VPS13C: variants seen among roughly 807,000 people sequenced by gnomAD.
The protein encoded by VPS13C is vacuolar protein sorting 13 homolog C, also known as intermembrane lipid transfer protein VPS13C.
A neutral mutation model predicts 456.8 loss-of-function variants in VPS13C; 358 were observed. That is an observed-to-expected ratio of 0.78 (90% CI 0.72 to 0.86). The LOEUF (loss-of-function observed/expected upper bound fraction) is 0.86, where lower values mean the gene tolerates loss of function less well. Ranked by LOEUF, VPS13C falls within the 40% of genes least tolerant of loss-of-function variation. VPS13C has a pLI of 0.00. For missense variants in VPS13C, 4,818 were observed against 4,385.4 expected, an observed-to-expected ratio of 1.10 and a Z score of -2.79; for synonymous variants, 1,578 against 1,486.7, an observed-to-expected ratio of 1.06 and a Z score of -1.41.
At chr15:62,004,156 C>T (rs1312256345) in intron 15 of VPS13C, among the ~76,000 whole-genome samples, 9 of 151,522 alleles carry the variant, frequency 5.9e-5, no homozygotes, top group African/African-American at 1.9e-4. Flanking sequence ...GTCCTGGACT[C>T]TTTTTGGTTG....
Position 61,910,312 on chromosome 15 carries a change from A to T in VPS13C, c.8716-7T>A, listed in dbSNP as rs760114350. The T allele has an allele frequency of 1.3e-6, 2 of 1,509,012 alleles. No individual in the cohort carries two copies. The highest frequency in any genetic ancestry group is 2.7e-5 in the South Asian group (2 of 75,086). 93.5% of individuals were successfully genotyped at this position (1,509,012 alleles called of 1,614,324 possible). A position where few individuals can be genotyped will look rare whatever the true frequency, so the allele number is the denominator to read the frequency against. ...CTGGCCAAAATGGAAGGCACTAAAA[A>T]TATAGAAGTTATTATCAGTCTTAAG... On this transcript the variant is annotated splice_polypyrimidine_tract_variant and splice_region_variant and intron_variant, in intron 63 of 84. Transcript: ENST00000644861.
rs139281373 is a variant in VPS13C, at chr15:61,992,080, T to C, written c.1354-278A>G. ...TCAGGTAAAATACTTCTAAGCAATGTGACTTCCAAATTCTTCCAAATTTTT... is the reference window on the plus strand; with the variant it reads ...TCAGGTAAAATACTTCTAAGCAATGCGACTTCCAAATTCTTCCAAATTTTT... On this transcript the variant is annotated intron_variant, in intron 16 of 84. Coordinates refer to ENST00000644861, the MANE Select transcript of VPS13C (RefSeq NM_020821.3). Among the ~76,000 whole-genome samples the C allele has an allele frequency of 5.9e-3, 898 of 152,290 alleles. 7 individuals are homozygous for C. Among genetic ancestry groups the C allele is most frequent in the African/African-American group, 0.021 (853 of 41,562 alleles).
intron 67 of VPS13C, 69 bp from the exon 68 acceptor site, chr15:61,884,338 CAGA>C (rs1240958888): frequency 6.8e-7 from 1 of 1,470,192 alleles, no homozygotes; most frequent in African/African-American, 1.4e-5. Flanking sequence ...TATTCAACTC[CAGA>C]TTATTGTAAC....
At chr15:62,040,709 T>C (rs2140707373) in intron 3 of VPS13C, among the ~76,000 whole-genome samples, 1 of 151,942 alleles carries the variant, frequency 6.6e-6, no homozygotes, top group South Asian at 2.1e-4. Flanking sequence ...ATCCAAAATT[T>C]AAAAATGTAT....
chr15:61,982,479 A>G lies in VPS13C; in HGVS notation c.2009T>C (p.Ile670Thr). ...TTCACCTGTAGCTGTTCTCTCCTTA[A>G]TTTCTTCCAGCTTCATCAATGTTGC... is the stretch of plus-strand genomic sequence containing the variant. ...TSATLMKLEE[I>T]KERTATGLTH... Residue 670 changes from isoleucine (I) to threonine (T), a missense_variant, in exon 21 of 85, where the codon ATT (isoleucine) becomes ACT (threonine). Physicochemically the swap from Ile to Thr is moderately conservative, Grantham distance 89. This residue lies in a region of VPS13C where 4,552 missense variants were observed against 4,130.6 expected (regional missense o/e 1.10). Coordinates refer to ENST00000644861, the MANE Select transcript of VPS13C (RefSeq NM_020821.3). 1.2e-6 allele frequency: 2 copies of G among 1,608,022 alleles called. No individual in the cohort carries two copies. Among genetic ancestry groups the G allele is most frequent in the South Asian group, 1.1e-5 (1 of 89,648 alleles).
chr15:62,026,276 T>G (rs2047634522), intron 6 of VPS13C, among the ~76,000 whole-genome samples: 3 of 151,938 alleles, frequency 2.0e-5, no homozygotes, highest in Admixed American at 6.6e-5. Flanking sequence ...GCACTTTAAA[T>G]GAACCCCTTT....
At chr15:61,971,571 T>A (rs2045557725) in intron 27 of VPS13C, among the ~76,000 whole-genome samples, 1 of 152,042 alleles carries the variant, frequency 6.6e-6, no homozygotes, top group Admixed American at 6.6e-5. Flanking sequence ...TGACATTCAC[T>A]CTTAAAGGAT....
In VPS13C at chr15:61,920,577, G is replaced by C; in HGVS notation, c.7133C>G (p.Ala2378Gly). 1 of 1,587,218 alleles carries C rather than the reference G, an allele frequency of 6.3e-7. No homozygotes were observed. The highest frequency in any genetic ancestry group is 8.5e-7 in the Non-Finnish European group (1 of 1,171,528). The stretch of plus-strand genomic sequence containing the variant: ...TGTATTTCCTGAAGAAATATGAATT[G>C]CCATTTGTGGCTCAGGAATAAAATC... ...GDDFIPEPQMAIHISSGNTMN... is the reference protein window; with the variant it reads ...GDDFIPEPQMGIHISSGNTMN... The change falls in exon 56 of 85, where the codon GCA (alanine) becomes GGA (glycine). Residue 2378 changes from alanine to glycine, a missense_variant. Around this residue, in one of 3 missense-constraint regions of VPS13C, gnomAD observed 4,552 missense variants for 4,130.6 expected, o/e 1.10. Coordinates refer to ENST00000644861, the MANE Select transcript of VPS13C (RefSeq NM_020821.3).
At position 62,036,652 on chromosome 15, in the gene VPS13C, T is replaced by C. The variant is rs117828795; in HGVS notation, c.188-1600A>G. Reference sequence around the variant, plus strand: ...AAAATTTATTTGATTGCCTTCTTGGTGAGCATAAGACAGAAAAAGTGGGAA... The same window carrying C: ...AAAATTTATTTGATTGCCTTCTTGGCGAGCATAAGACAGAAAAAGTGGGAA... On this transcript the variant is annotated intron_variant, in intron 3 of 84. Transcript: ENST00000644861. 7.3e-3 allele frequency among the ~76,000 whole-genome samples: 1,112 copies of C among 152,170 alleles called. 6 individuals carry two copies. Among genetic ancestry groups the C allele is most frequent in the Middle Eastern group, 0.041 (12 of 294 alleles).
At chr15:61,918,095 C>A in intron 59 of VPS13C, 41 bp downstream of exon 59, 1 of 1,533,014 alleles carries the variant, frequency 6.5e-7, no homozygotes, top group Non-Finnish European at 8.7e-7. Context: ...AAATCCCCAA[C>A]TCAATACATT....
At chr15:62,020,103 C>G (rs2047405556) in intron 9 of VPS13C, among the ~76,000 whole-genome samples, 2 of 148,870 alleles carry the variant, frequency 1.3e-5, no homozygotes, top group Non-Finnish European at 1.5e-5. Context: ...TGCGCACACA[C>G]ACACACATAC....
chr15:61,966,209 A>T, intron 29 of VPS13C, 67 bp from the exon 30 acceptor site: 3 of 1,063,656 alleles, frequency 2.8e-6, no homozygotes, highest in Non-Finnish European at 4.1e-6. Context: ...CTTATTTATT[A>T]TCTCTGGTTA....
chr15:62,028,429 C>T lies in VPS13C; in HGVS notation c.386-9G>A, dbSNP rs767393185. On this transcript the variant is annotated splice_polypyrimidine_tract_variant and intron_variant, in intron 5 of 84. Transcript: ENST00000644861. Reference sequence around the variant, plus strand: ...CTCCCCTGAATGTGTGCCTGCATCCCACATGGCAGCAATAACCAAAATGCA... The same window carrying T: ...CTCCCCTGAATGTGTGCCTGCATCCTACATGGCAGCAATAACCAAAATGCA... 4 of 1,612,660 alleles carry T rather than the reference C, an allele frequency of 2.5e-6. No individual in the cohort carries two copies. Among genetic ancestry groups the T allele is most frequent in the Non-Finnish European group, 3.4e-6 (4 of 1,179,052 alleles).
rs779861822 is a variant in VPS13C at position 61,920,113 on chromosome 15, T to C, written c.7431A>G (p.Leu2477=). Residue 2477 remains leucine (L), a synonymous_variant, in exon 57 of 85, where the codon CTA becomes CTG. Coordinates refer to ENST00000644861, the MANE Select transcript of VPS13C (RefSeq NM_020821.3). ...AGCTTTCTTGACGGCTCAATATAGATAGGTTCCCTTGACTTGAAGGTACCA... is the reference window on the plus strand; with the variant it reads ...AGCTTTCTTGACGGCTCAATATAGACAGGTTCCCTTGACTTGAAGGTACCA... ...ASMVPSSQGN[L]SILSRQESSF... is the part of the protein sequence containing the mutation. The C allele has an allele frequency of 1.5e-5, 25 of 1,613,336 alleles. No individual in the cohort carries two copies. Among genetic ancestry groups the C allele is most frequent in the Middle Eastern group, 1.7e-4 (1 of 6,060 alleles).
At chr15:62,029,365 G>C (rs771018884) in intron 5 of VPS13C, among the ~76,000 whole-genome samples, 39 of 152,012 alleles carry the variant, frequency 2.6e-4, no homozygotes, top group Non-Finnish European at 4.4e-4. Flanking sequence ...CCTAAACTTA[G>C]CTTTCCAACC....
rs150237611 is a variant in VPS13C, at chr15:61,881,368, T to C, written c.9776+195A>G. ...GGGAAGAAGATGGTTGAAGAAATTCTACACTTTAAAATATGTAGAGACTAC... is the reference window on the plus strand; with the variant it reads ...GGGAAGAAGATGGTTGAAGAAATTCCACACTTTAAAATATGTAGAGACTAC... On this transcript the variant is annotated intron_variant, in intron 71 of 84. Coordinates refer to ENST00000644861, the MANE Select transcript of VPS13C (RefSeq NM_020821.3). Among the ~76,000 whole-genome samples, 46 of 152,246 alleles carry C rather than the reference T, an allele frequency of 3.0e-4. 1 individual carries two copies. Among genetic ancestry groups the C allele is most frequent in the East Asian group, 2.3e-3 (12 of 5,184 alleles).
intron 1 of VPS13C, among the ~76,000 whole-genome samples, chr15:62,050,643 T>C (rs1276016105): frequency 6.6e-6 from 1 of 151,390 alleles, no homozygotes; most frequent in Non-Finnish European, 1.5e-5. Flanking sequence ...ACCTAAAAAA[T>C]ACAAAAAAAT....
intron 38 of VPS13C, among the ~76,000 whole-genome samples, chr15:61,953,691 A>C (rs1336049034): frequency 6.6e-6 from 1 of 152,086 alleles, no homozygotes; most frequent in Non-Finnish European, 1.5e-5. Flanking sequence ...TAGTGCCGCA[A>C]TAAACATACA....
chr15:62,018,249 T>C (rs1434294398), intron 9 of VPS13C, among the ~76,000 whole-genome samples: 1 of 152,142 alleles, frequency 6.6e-6, no homozygotes, highest in Non-Finnish European at 1.5e-5. Context: ...CAATTTGACT[T>C]CCTCTTTTCC....
Sources: gnomAD v4.1 joint callset for allele counts (sites outside exome capture counted in the v4.1 genomes callset) on GRCh38, gnomAD v4.1.1 for gene constraint, gnomAD v4.1.1 regional missense constraint, MANE v1.5 for transcripts, NCBI Gene and HGNC (gene_info 2026-07-23, HGNC 2026-07-21) for gene names.